The following RELN variants were observed in gnomAD, a reference collection of about 807,000 sequenced individuals.
RELN encodes the protein reelin.
A neutral mutation model predicts 427.6 loss-of-function variants in RELN; 108 were observed. The ratio of observed to expected loss-of-function variants is 0.25; its 90% CI spans 0.22 to 0.30. The LOEUF (loss-of-function observed/expected upper bound fraction) is 0.30, where lower values mean the gene tolerates loss of function less well. Ranked by LOEUF, RELN falls within the 10% of genes least tolerant of loss-of-function variation. The pLI, the probability that RELN is intolerant of heterozygous loss-of-function variation, is 1.00. For synonymous variants in RELN, 1,524 were observed against 1,513.4 expected, an observed-to-expected ratio of 1.01 and a Z score of -0.16; for missense variants, 3,715 against 4,302.8, an observed-to-expected ratio of 0.86 and a Z score of 3.82.
At chr7:103,599,307 T>A (rs899274992) in intron 24 of RELN, among the ~76,000 whole-genome samples, 1 of 152,156 alleles carries the variant, frequency 6.6e-6, no homozygotes, top group Non-Finnish European at 1.5e-5. Context: ...CAGAACACCA[T>A]GTATTATAAA....
At chr7:103,980,220 TA>T (rs1796963914) in intron 1 of RELN, among the ~76,000 whole-genome samples, 1 of 151,870 alleles carries the variant, frequency 6.6e-6, no homozygotes. Context: ...AAATAAATTT[TA>T]AAAAGGTTGT....
chr7:103,576,338 C>G (rs999095988), intron 28 of RELN, among the ~76,000 whole-genome samples: 5 of 152,156 alleles, frequency 3.3e-5, no homozygotes. Context: ...TGAGGTTTCA[C>G]TACGTTGGCC....
At chr7:103,541,234 A>G (rs535803039) in intron 43 of RELN, among the ~76,000 whole-genome samples, 2 of 152,202 alleles carry the variant, frequency 1.3e-5, no homozygotes, top group African/African-American at 4.8e-5. Flanking sequence ...TGGGGTGCCA[A>G]TGAAAACTAG....
intron 2 of RELN, among the ~76,000 whole-genome samples, chr7:103,907,345 G>A (rs1248697411): frequency 6.9e-6 from 1 of 144,138 alleles, no homozygotes; most frequent in African/African-American, 2.6e-5. Context: ...GAACCCAGGA[G>A]GTGGAGGTTG....
intron 11 of RELN, among the ~76,000 whole-genome samples, chr7:103,681,480 T>C (rs1221827571): frequency 6.6e-6 from 1 of 152,170 alleles, no homozygotes; most frequent in Non-Finnish European, 1.5e-5. Flanking sequence ...GAGTTTCTAA[T>C]CTTATTAATG....
At chr7:103,649,669 TTC>T (rs1832872019) in intron 16 of RELN, among the ~76,000 whole-genome samples, 1 of 152,062 alleles carries the variant, frequency 6.6e-6, no homozygotes, top group African/African-American at 2.4e-5. Context: ...TTAAAATATC[TTC>T]TGTCATTGTC....
rs1715424513 is a variant in RELN, at chr7:103,511,022, A to G, written c.8120-17T>C. ...GCTCATTCACTTAAAACAAAAAAAC[A>G]AAATTTTATGACAAATTTGTGACAA... On this transcript the variant is annotated splice_polypyrimidine_tract_variant and intron_variant, in intron 50 of 64. Transcript: ENST00000428762. 6.2e-7 allele frequency: 1 copy of G among 1,606,264 alleles called. No homozygotes were observed. The highest frequency in any genetic ancestry group is 8.5e-7 in the Non-Finnish European group (1 of 1,173,318).
chr7:103,476,866 G>GA (rs1828053639), intron 64 of RELN: 1 of 172,888 alleles, frequency 5.8e-6, no homozygotes, highest in African/African-American at 2.4e-5. Context: ...CCTTATAACT[G>GA]AAATAAGAAG....
chr7:103,566,807 G>A (rs932902736), intron 31 of RELN, 48 bp from the exon 32 acceptor site: 2 of 1,564,868 alleles, frequency 1.3e-6, no homozygotes, highest in African/African-American at 2.7e-5. Context: ...TTCCTAGAGG[G>A]GAAGGAACAG....
At chr7:103,577,327 T>C (rs1831026902) in intron 28 of RELN, among the ~76,000 whole-genome samples, 1 of 152,218 alleles carries the variant, frequency 6.6e-6, no homozygotes, top group African/African-American at 2.4e-5. Flanking sequence ...TTATTTTAAG[T>C]TACCTACTCA....
intron 27 of RELN, among the ~76,000 whole-genome samples, chr7:103,593,255 T>G (rs189585711): frequency 1.3e-4 from 20 of 152,256 alleles, no homozygotes; most frequent in African/African-American, 4.8e-4. Flanking sequence ...GAGTAAAAAT[T>G]TACTGAATTT....
chr7:103,903,650 GTTC>G (rs925124930), intron 2 of RELN, among the ~76,000 whole-genome samples: 3 of 151,594 alleles, frequency 2.0e-5, no homozygotes, highest in South Asian at 2.1e-4. Context: ...ATTTCCTGAT[GTTC>G]TTTTTTTTGT....
chr7:103,532,478 A>C (rs1282025543), intron 46 of RELN, among the ~76,000 whole-genome samples: 1 of 152,068 alleles, frequency 6.6e-6, no homozygotes, highest in African/African-American at 2.4e-5. Context: ...AAAAAAGAAG[A>C]AGCTTTTCTG....
At chr7:103,802,786 TAA>T (rs1180882226) in intron 3 of RELN, among the ~76,000 whole-genome samples, 5 of 152,092 alleles carry the variant, frequency 3.3e-5, no homozygotes, top group Non-Finnish European at 7.4e-5. Flanking sequence ...AGAAGGGATT[TAA>T]AAAGTGTTCC....
intron 3 of RELN, among the ~76,000 whole-genome samples, chr7:103,821,044 T>G (rs1793002262): frequency 6.6e-6 from 1 of 152,194 alleles, no homozygotes; most frequent in African/African-American, 2.4e-5. Flanking sequence ...ATATAATGTT[T>G]TCTCTGTAGA....
Position 103,960,883 on chromosome 7 carries a change from G to A in RELN, c.226+28248C>T, listed in dbSNP as rs376271769. Among the ~76,000 whole-genome samples, 10 of 152,318 alleles carry A rather than the reference G, an allele frequency of 6.6e-5. No homozygotes were observed. In the East Asian group the frequency reaches 7.7e-4, roughly 12 times the overall value. ...TCAATAAAGAACACTGCTTTAAGGT[G>A]TTTTCCTCACATACAAGCTAATTTT... On this transcript the variant is annotated intron_variant, in intron 1 of 64. Transcript: ENST00000428762.
chr7:103,507,188 G>C (rs943840596), intron 51 of RELN, among the ~76,000 whole-genome samples: 5 of 152,164 alleles, frequency 3.3e-5, no homozygotes, highest in Admixed American at 1.3e-4. Context: ...GGACCTAATA[G>C]ACATCTACAG....
chr7:103,729,835 A>G (rs896232294), intron 6 of RELN, among the ~76,000 whole-genome samples: 2 of 152,168 alleles, frequency 1.3e-5, no homozygotes, highest in African/African-American at 4.8e-5. Flanking sequence ...TAGGCATGAT[A>G]TAAGTGTTAG....
intron 2 of RELN, among the ~76,000 whole-genome samples, chr7:103,889,128 A>G (rs1459692306): frequency 2.0e-5 from 3 of 152,252 alleles, no homozygotes; most frequent in Non-Finnish European, 2.9e-5. Flanking sequence ...TTGTGTCAGG[A>G]GCAGAGAGAC....
Sources: gnomAD v4.1 joint callset for allele counts (sites outside exome capture counted in the v4.1 genomes callset) on GRCh38, gnomAD v4.1.1 for gene constraint, MANE v1.5 for transcripts, NCBI Gene and HGNC (gene_info 2026-07-23, HGNC 2026-07-21) for gene names.